The following ATG3 variants were observed in gnomAD, a reference collection of about 807,000 sequenced individuals.
The protein encoded by ATG3 is autophagy related 3.
Under a neutral mutation model 50.7 loss-of-function variants are expected in ATG3, and 25 were observed. The ratio of observed to expected loss-of-function variants is 0.49; its 90% CI spans 0.36 to 0.69. The LOEUF (loss-of-function observed/expected upper bound fraction) is 0.69, where lower values mean the gene tolerates loss of function less well. ATG3 is among the 30% of genes least tolerant of loss of function. The pLI, the probability that ATG3 is intolerant of heterozygous loss-of-function variation, is 0.00. For synonymous variants in ATG3, 119 were observed against 125.5 expected (o/e 0.95, Z 0.34); for missense variants, 281 against 376.0 (o/e 0.75, Z 2.09).
chr3:112,561,384 A>T, intron 1 of ATG3, 73 bp downstream of exon 1: 1 of 1,489,312 alleles, frequency 6.7e-7, no homozygotes, highest in Non-Finnish European at 9.3e-7. Flanking sequence ...GAAAGCGGGG[A>T]CTCCTGCGGC....
rs184883981 is a variant in ATG3, at chr3:112,546,870, A to G, written c.343+1663T>C. Reference sequence around the variant, plus strand: ...GGAAAGAAGGATGATTTTTGAAATTACTTTTAAAAGTTTTTCAATCTGTTA... The same window carrying G: ...GGAAAGAAGGATGATTTTTGAAATTGCTTTTAAAAGTTTTTCAATCTGTTA... On this transcript the variant is annotated intron_variant, in intron 5 of 11. Transcript: ENST00000283290. Among the ~76,000 whole-genome samples the G allele has an allele frequency of 3.0e-3, 457 of 152,314 alleles. 3 individuals are homozygous for G. The highest frequency in any genetic ancestry group is 9.9e-3 in the African/African-American group (412 of 41,568).
At chr3:112,541,362 G>A (rs1933219317) in intron 7 of ATG3, among the ~76,000 whole-genome samples, 1 of 151,812 alleles carries the variant, frequency 6.6e-6, no homozygotes, top group African/African-American at 2.4e-5. Flanking sequence ...ACTCCAGCCT[G>A]GCGAGAGTGA....
intron 2 of ATG3, 97 bp downstream of exon 2, chr3:112,558,279 A>G (rs1436918177): frequency 1.0e-5 from 9 of 882,292 alleles, no homozygotes; most frequent in Non-Finnish European, 1.6e-5. Context: ...ACTCAAATCA[A>G]AATTAAAGTT....
At chr3:112,545,092 G>A (rs1390049404) in intron 5 of ATG3, among the ~76,000 whole-genome samples, 1 of 152,142 alleles carries the variant, frequency 6.6e-6, no homozygotes. Context: ...TCCTCACAAT[G>A]ACTATCTTAT....
intron 11 of ATG3, chr3:112,533,639 G>A: frequency 1.0e-6 from 1 of 985,256 alleles, no homozygotes; most frequent in Non-Finnish European, 1.2e-6. Context: ...TATCTGGCAT[G>A]TAAATCATTG....
intron 4 of ATG3, 69 bp from the exon 5 acceptor site, chr3:112,548,709 G>A: frequency 1.5e-6 from 2 of 1,344,800 alleles, no homozygotes; most frequent in South Asian, 2.4e-5. Context: ...TTAGAAAGAA[G>A]AGAGCTTAGT....
chr3:112,551,897 AT>A (rs1170975562), intron 3 of ATG3, among the ~76,000 whole-genome samples: 4 of 152,088 alleles, frequency 2.6e-5, no homozygotes, highest in African/African-American at 9.7e-5. Flanking sequence ...CAAAAAACAC[AT>A]GTAGGAGAGA....
At chr3:112,540,646 C>T (rs1294512157) in intron 7 of ATG3, among the ~76,000 whole-genome samples, 1 of 148,366 alleles carries the variant, frequency 6.7e-6, no homozygotes, top group African/African-American at 2.5e-5. Flanking sequence ...AAAAAAGAAA[C>T]CCACGGAACA....
rs1307528048 is a variant in ATG3, at chr3:112,544,038, A to G, written c.393+19T>C. The G allele has an allele frequency of 6.5e-7, 1 of 1,546,944 alleles. No homozygotes were observed. Among genetic ancestry groups the G allele is most frequent in the African/African-American group, 1.4e-5 (1 of 73,230 alleles). ...ATAACTACTCATTAAATTTAAAAAT[A>G]TAACTAATTAACCAGTACCTTATTT... On this transcript the variant is annotated intron_variant, in intron 6 of 11. Coordinates refer to ENST00000283290, the MANE Select transcript of ATG3 (RefSeq NM_022488.5).
At chr3:112,537,353 C>T (rs1933098513) in intron 9 of ATG3, among the ~76,000 whole-genome samples, 1 of 152,156 alleles carries the variant, frequency 6.6e-6, no homozygotes, top group Admixed American at 6.5e-5. Flanking sequence ...GGGAAAAATA[C>T]ATACATACAA....
At chr3:112,555,757 T>C (rs934135019) in intron 2 of ATG3, among the ~76,000 whole-genome samples, 14 of 152,228 alleles carry the variant, frequency 9.2e-5, no homozygotes, top group Non-Finnish European at 1.5e-4. Flanking sequence ...AATCCTGTAA[T>C]TGTGCTCTAT....
At chr3:112,550,905 T>C (rs1364144131) in intron 3 of ATG3, among the ~76,000 whole-genome samples, 1 of 152,218 alleles carries the variant, frequency 6.6e-6, no homozygotes, top group African/African-American at 2.4e-5. Flanking sequence ...GTAGAACATA[T>C]AAATATCCCA....
At chr3:112,545,611 A>G (rs908977981) in intron 5 of ATG3, among the ~76,000 whole-genome samples, 3 of 152,252 alleles carry the variant, frequency 2.0e-5, no homozygotes, top group Non-Finnish European at 4.4e-5. Flanking sequence ...CTATTTCATA[A>G]CAGTAAAACC....
intron 1 of ATG3, 38 bp from the exon 2 acceptor site, chr3:112,558,455 T>TTTCAC (rs777835398): frequency 7.6e-6 from 11 of 1,449,944 alleles, no homozygotes; most frequent in Non-Finnish European, 9.7e-6. Flanking sequence ...TTATATCATG[T>TTTCAC]TTCACTATCA....
intron 4 of ATG3, 25 bp downstream of exon 4, chr3:112,550,167 T>C: frequency 6.4e-7 from 1 of 1,550,694 alleles, no homozygotes; most frequent in Non-Finnish European, 8.8e-7. Flanking sequence ...GCAAAATTTA[T>C]TCATATATGC....
intron 2 of ATG3, among the ~76,000 whole-genome samples, chr3:112,557,250 G>A (rs893791302): frequency 4.0e-5 from 6 of 151,840 alleles, no homozygotes; most frequent in African/African-American, 9.7e-5. Context: ...ACGGGGTTTC[G>A]CCCTGTTAGC....
At chr3:112,533,181 T>A (rs1407978660) in intron 11 of ATG3, 1 of 986,008 alleles carries the variant, frequency 1.0e-6, no homozygotes, top group East Asian at 1.1e-4. Context: ...GAGAAAAAAA[T>A]TAAATAAAAA....
Position 112,550,216 on chromosome 3 carries a change from T to C in ATG3, c.211A>G (p.Lys71Glu). 1 of 1,613,094 alleles carries C rather than the reference T, an allele frequency of 6.2e-7. No individual in the cohort carries two copies. Among genetic ancestry groups the C allele is most frequent in the African/African-American group, 1.3e-5 (1 of 75,022 alleles). The change falls in exon 4 of 12, where the codon AAA becomes GAA. Residue 71 changes from lysine (K) to glutamate (E), a missense_variant. Transcript: ENST00000283290. Reference sequence around the variant, plus strand: ...CCATTTTTGGTTACCAAAAATTGTTTGCCTGTTGGTAGGTATGCCTTCACT... The same window carrying C: ...CCATTTTTGGTTACCAAAAATTGTTCGCCTGTTGGTAGGTATGCCTTCACT... ...LKVKAYLPTG[K>E]QFLVTKNVPC...
chr3:112,534,711 A>G (rs1932977947), intron 10 of ATG3: 1 of 152,766 alleles, frequency 6.5e-6, no homozygotes, highest in African/African-American at 2.4e-5. Flanking sequence ...TGAGGAAATC[A>G]TTCCAGGAGA....
Sources: allele counts gnomAD v4.1 joint callset (sites outside exome capture counted in the v4.1 genomes callset), GRCh38; gene constraint gnomAD v4.1.1; transcripts MANE v1.5; gene names NCBI Gene and HGNC (gene_info 2026-07-23, HGNC 2026-07-21).